SYNJ2: variants seen among roughly 807,000 people sequenced by gnomAD.
SYNJ2 encodes the protein synaptojanin 2.
SYNJ2 carries 116 observed loss-of-function variants against 141.3 expected under a neutral mutation model. The ratio of observed to expected loss-of-function variants is 0.82; its 90% CI spans 0.71 to 0.96. The LOEUF (loss-of-function observed/expected upper bound fraction) is 0.96. Among genes scored for constraint, SYNJ2 ranks in the 40% least tolerant of loss-of-function variants. SYNJ2 has a pLI of 0.00. For missense variants in SYNJ2, 1,873 were observed against 1,934.8 expected, an observed-to-expected ratio of 0.97 and a Z score of 0.60; for synonymous variants, 745 against 777.7, an observed-to-expected ratio of 0.96 and a Z score of 0.70.
Position 158,088,711 on chromosome 6 carries a change from C to T in SYNJ2, c.3395C>T (p.Thr1132Ile). The T allele has an allele frequency of 6.2e-7, 1 of 1,614,066 alleles. No homozygotes were observed. The highest frequency in any genetic ancestry group is 8.5e-7 in the Non-Finnish European group (1 of 1,180,018). ...TCAGATGCGTCCATCTCCTCCGGCA[C>T]CCATGGACAGTATTCAATTTTGCAG... ...SASDASISSGTHGQYSILQTA... is the reference protein window; with the variant it reads ...SASDASISSGIHGQYSILQTA... Residue 1132 changes from threonine (T) to isoleucine (I), a missense_variant, in exon 24 of 27, where the codon ACC becomes ATC. By Grantham distance (89) the Thr-to-Ile change is moderately conservative (BLOSUM62 -1). Coordinates refer to ENST00000355585, the MANE Select transcript of SYNJ2 (RefSeq NM_003898.4).
At chr6:158,093,165 A>G in intron 26 of SYNJ2, 61 bp downstream of exon 26, 1 of 1,536,724 alleles carries the variant, frequency 6.5e-7, no homozygotes, top group Non-Finnish European at 8.8e-7. Flanking sequence ...TCGATAGATA[A>G]GAATTGTGGC....
At chr6:158,087,283 G>A (rs528224745) in intron 23 of SYNJ2, among the ~76,000 whole-genome samples, 7 of 152,312 alleles carry the variant, frequency 4.6e-5, no homozygotes, top group Middle Eastern at 3.4e-3. Flanking sequence ...CAGAATGGGG[G>A]CCGCAGCCAT....
intron 5 of SYNJ2, among the ~76,000 whole-genome samples, chr6:158,048,436 G>A (rs1780374981): frequency 6.6e-6 from 1 of 152,136 alleles, no homozygotes; most frequent in Admixed American, 6.5e-5. Context: ...AGATAGGAGA[G>A]GTGAGCAGGG....
At chr6:157,993,936 TC>T (rs1463048617) in intron 1 of SYNJ2, among the ~76,000 whole-genome samples, 1 of 146,820 alleles carries the variant, frequency 6.8e-6, no homozygotes, top group African/African-American at 2.5e-5. Flanking sequence ...TGCCTCAGCC[TC>T]CCGAGTAGCT....
At position 158,027,839 on chromosome 6, in the gene SYNJ2, A is replaced by C. The variant is rs1180006000; in HGVS notation, c.215-917A>C. The C allele has an allele frequency of 6.6e-6, 1 of 152,202 alleles. No individual in the cohort carries two copies. Among genetic ancestry groups the C allele is most frequent in the Non-Finnish European group, 1.5e-5 (1 of 68,290 alleles). 9.4% of individuals were successfully genotyped at this position (152,202 alleles called of 1,614,324 possible). On this transcript the variant is annotated intron_variant, in intron 2 of 26. Coordinates refer to ENST00000355585, the MANE Select transcript of SYNJ2 (RefSeq NM_003898.4). The surrounding 1 kb of genome is among the most constrained non-coding windows in gnomAD (Gnocchi z 4.6). ...GCCAAGTTGGCCCAGAAGGATGAGG[A>C]GGAGTTCTTCTGGTGAAGTGGGGAG...
At position 158,096,389 on chromosome 6, in the gene SYNJ2, C is replaced by T. The variant is rs1390161889; in HGVS notation, c.*25C>T. The T allele has an allele frequency of 1.3e-6, 2 of 1,555,804 alleles. No homozygotes were observed. The highest frequency in any genetic ancestry group is 1.7e-6 in the Non-Finnish European group (2 of 1,155,918). On this transcript the variant is annotated 3_prime_UTR_variant, in exon 27 of 27. Transcript: ENST00000355585. ...ACTGAGCAGCTTTGAAGGCTGCAGT[C>T]CTATAGAATGCATACCTTCCTCCCT...
intron 1 of SYNJ2, among the ~76,000 whole-genome samples, chr6:157,989,852 G>C (rs1050780397): frequency 6.6e-5 from 10 of 152,194 alleles, no homozygotes; most frequent in Non-Finnish European, 1.5e-4. Flanking sequence ...AGAAGTGTCT[G>C]CGGGAGGGTG....
intron 1 of SYNJ2, among the ~76,000 whole-genome samples, chr6:158,012,887 T>A (rs9365716): frequency 1.4e-4 from 22 of 152,054 alleles, no homozygotes; most frequent in Non-Finnish European, 5.9e-5. Flanking sequence ...TCTGCTGCTC[T>A]CAGAGGTTGA....
chr6:157,991,744 T>C (rs2128315447), intron 1 of SYNJ2, among the ~76,000 whole-genome samples: 1 of 152,350 alleles, frequency 6.6e-6, no homozygotes. Flanking sequence ...GAAGATGGCT[T>C]TGAGGTCTCA....
intron 3 of SYNJ2, chr6:158,030,413 G>C (rs1779298581): frequency 6.5e-6 from 1 of 152,674 alleles, no homozygotes; most frequent in African/African-American, 2.4e-5. Context: ...GCCAGAGGCA[G>C]CCACAGGTTT....
intron 25 of SYNJ2, among the ~76,000 whole-genome samples, chr6:158,092,216 G>A (rs1287255748): frequency 1.3e-5 from 2 of 152,048 alleles, no homozygotes; most frequent in African/African-American, 4.8e-5. Flanking sequence ...AGATTTTGAT[G>A]TCTTTGGATC....
intron 1 of SYNJ2, among the ~76,000 whole-genome samples, chr6:157,984,238 G>C (rs1256256250): frequency 6.6e-6 from 1 of 152,228 alleles, no homozygotes. Flanking sequence ...TCCAGAGAAT[G>C]TTTGTAGGAG....
rs768722752 is a variant in SYNJ2 at position 158,062,156 on chromosome 6, C to T, written c.1119C>T (p.Val373=). Residue 373 remains valine (V), a synonymous_variant, in exon 8 of 27, where the codon GTC becomes GTT. Transcript: ENST00000355585. Reference sequence around the variant, plus strand: ...ATGTGTTCACAAAGGGGGAGAACGTCAGTCCACGGTGAGGCTCGCTGCGCA... The same window carrying T: ...ATGTGTTCACAAAGGGGGAGAACGTTAGTCCACGGTGAGGCTCGCTGCGCA... ...DFDVFTKGEN[V]SPRFQKGTLR... is the part of the protein sequence containing the mutation. 2.5e-6 allele frequency: 4 copies of T among 1,613,362 alleles called. No individual in the cohort carries two copies. The highest frequency in any genetic ancestry group is 3.4e-6 in the Non-Finnish European group (4 of 1,179,760).
intron 1 of SYNJ2, among the ~76,000 whole-genome samples, chr6:157,995,606 A>G (rs1432639823): frequency 6.6e-6 from 1 of 152,226 alleles, no homozygotes; most frequent in Non-Finnish European, 1.5e-5. Context: ...GAGTGAAGTG[A>G]TCCCATGTCT....
intron 5 of SYNJ2, among the ~76,000 whole-genome samples, chr6:158,047,580 A>G (rs1258597386): frequency 1.3e-5 from 2 of 151,796 alleles, no homozygotes; most frequent in African/African-American, 4.8e-5. Flanking sequence ...AGTTTAAGAC[A>G]AGCCTGGCCA....
intron 16 of SYNJ2, among the ~76,000 whole-genome samples, chr6:158,075,057 G>A (rs1482327944): frequency 1.3e-5 from 2 of 151,180 alleles, no homozygotes; most frequent in Admixed American, 6.6e-5. Context: ...TCAGCCTCCC[G>A]AGTAGCTGCG....
intron 17 of SYNJ2, chr6:158,077,563 T>A (rs1341052479): frequency 6.6e-6 from 1 of 150,784 alleles, no homozygotes; most frequent in Non-Finnish European, 1.5e-5. Context: ...TTAAAAATCA[T>A]TAGTTGTCAA....
intron 3 of SYNJ2, among the ~76,000 whole-genome samples, chr6:158,032,376 G>T (rs1779414504): frequency 6.6e-6 from 1 of 152,202 alleles, no homozygotes; most frequent in Admixed American, 6.5e-5. Context: ...AACAAGTAGG[G>T]CACTGTGATC....
intron 2 of SYNJ2, among the ~76,000 whole-genome samples, chr6:158,018,534 C>G (rs945491433): frequency 1.3e-5 from 2 of 152,196 alleles, no homozygotes; most frequent in African/African-American, 4.8e-5. Flanking sequence ...AGCACGGTTA[C>G]GTTGGCCATT....
Sources: allele counts gnomAD v4.1 joint callset (sites outside exome capture counted in the v4.1 genomes callset), GRCh38; gene constraint gnomAD v4.1.1; non-coding constraint Gnocchi (gnomAD v3.1); transcripts MANE v1.5; gene names NCBI Gene and HGNC (gene_info 2026-07-23, HGNC 2026-07-21).